Variants in PCDH9 observed in about 807,000 individuals in gnomAD.
PCDH9 encodes protocadherin-9.
PCDH9 carries 24 observed loss-of-function variants against 70.6 expected under a neutral mutation model. That is an observed-to-expected ratio of 0.34 (90% CI 0.25 to 0.48). The LOEUF (loss-of-function observed/expected upper bound fraction) is 0.48, where lower values mean the gene tolerates loss of function less well. PCDH9 is among the 20% of genes least tolerant of loss of function. PCDH9 has a pLI of 0.99. For synonymous variants in PCDH9, 562 were observed against 558.5 expected (o/e 1.01, Z -0.09); for missense variants, 1,281 against 1,503.6 (o/e 0.85, Z 2.45).
At chr13:67,020,936 A>G (rs1410189040) in intron 2 of PCDH9, among the ~76,000 whole-genome samples, 2 of 152,222 alleles carry the variant, frequency 1.3e-5, no homozygotes, top group African/African-American at 4.8e-5. Flanking sequence ...GAAAATTTGT[A>G]TGAGAAAACT....
intron 4 of PCDH9, among the ~76,000 whole-genome samples, chr13:66,562,668 C>T (rs78305973): frequency 0.023 from 3,478 of 152,186 alleles, 153 homozygotes; most frequent in African/African-American, 0.08. Context: ...CCGGGTCCCT[C>T]CCAGGATACA....
chr13:66,925,084 G>A (rs192093656), intron 2 of PCDH9, among the ~76,000 whole-genome samples: 1 of 151,804 alleles, frequency 6.6e-6, no homozygotes, highest in African/African-American at 2.4e-5. Context: ...GGCATAAATG[G>A]CTTAAAAATA....
chr13:66,798,836 GAC>G (rs1555270116), intron 3 of PCDH9, among the ~76,000 whole-genome samples: 6 of 151,158 alleles, frequency 4.0e-5, no homozygotes, highest in Non-Finnish European at 8.8e-5. Flanking sequence ...TTCTTTTTGA[GAC>G]ACAGTCTCAC....
chr13:66,817,208 C>T (rs1198622925), intron 3 of PCDH9, among the ~76,000 whole-genome samples: 2 of 151,964 alleles, frequency 1.3e-5, no homozygotes, highest in Admixed American at 6.6e-5. Flanking sequence ...TTTGGTATTG[C>T]CTGGGGTCCT....
intron 4 of PCDH9, among the ~76,000 whole-genome samples, chr13:66,387,967 C>G (rs983093025): frequency 1.3e-5 from 2 of 152,066 alleles, no homozygotes; most frequent in African/African-American, 2.4e-5. Context: ...CTCTTTCTCC[C>G]AAGCTAATAT....
At chr13:66,695,324 C>G (rs1593907913) in intron 3 of PCDH9, among the ~76,000 whole-genome samples, 1 of 152,184 alleles carries the variant, frequency 6.6e-6, no homozygotes, top group East Asian at 1.9e-4. Flanking sequence ...TATTTTCAAT[C>G]CAGTTTCTTT....
chr13:66,800,120 T>C (rs1473905132), intron 3 of PCDH9, among the ~76,000 whole-genome samples: 2 of 152,122 alleles, frequency 1.3e-5, no homozygotes, highest in Non-Finnish European at 2.9e-5. Context: ...TCCAAACTAT[T>C]TTTCATCGTC....
At chr13:66,968,302 C>T (rs1359201976) in intron 2 of PCDH9, among the ~76,000 whole-genome samples, 2 of 151,962 alleles carry the variant, frequency 1.3e-5, no homozygotes, top group African/African-American at 4.8e-5. Context: ...ACATTATCTT[C>T]AAGCTACTCT....
chr13:66,499,382 A>G (rs1222969639), intron 4 of PCDH9, among the ~76,000 whole-genome samples: 1 of 152,206 alleles, frequency 6.6e-6, no homozygotes, highest in African/African-American at 2.4e-5. Context: ...TACAGTATAC[A>G]TAAATTCATT....
At chr13:67,097,641 T>C (rs1172886544) in intron 2 of PCDH9, among the ~76,000 whole-genome samples, 1 of 152,182 alleles carries the variant, frequency 6.6e-6, no homozygotes, top group Non-Finnish European at 1.5e-5. Flanking sequence ...ATTTGACCTG[T>C]AATTACTGAT....
chr13:67,204,176 A>G (rs2089283912), intron 2 of PCDH9: 1 of 152,138 alleles, frequency 6.6e-6, no homozygotes, highest in South Asian at 2.1e-4. Context: ...TTAAGAGATA[A>G]AAGTGGCCAC....
At chr13:66,456,754 A>G (rs1002995132) in intron 4 of PCDH9, among the ~76,000 whole-genome samples, 12 of 152,070 alleles carry the variant, frequency 7.9e-5, no homozygotes, top group Admixed American at 2.6e-4. Flanking sequence ...TCACAGCCTA[A>G]TTCTTTCTTG....
chr13:66,901,090 A>G (rs146960808), intron 3 of PCDH9, among the ~76,000 whole-genome samples: 1 of 151,808 alleles, frequency 6.6e-6, no homozygotes, highest in African/African-American at 2.4e-5. Context: ...ATTTATACAG[A>G]AACCTTGCAT....
chr13:66,892,232 A>G (rs561565795), intron 3 of PCDH9, among the ~76,000 whole-genome samples: 1 of 147,878 alleles, frequency 6.8e-6, no homozygotes, highest in African/African-American at 2.5e-5. Flanking sequence ...TATATATATA[A>G]TGTGTGTGTG....
intron 4 of PCDH9, among the ~76,000 whole-genome samples, chr13:66,594,285 C>T (rs1369018190): frequency 2.0e-5 from 3 of 151,596 alleles, no homozygotes; most frequent in East Asian, 3.9e-4. Flanking sequence ...GCAAAGAAAA[C>T]CTCCAGCCAT....
At chr13:66,773,235 G>A (rs2079836531) in intron 3 of PCDH9, among the ~76,000 whole-genome samples, 2 of 152,130 alleles carry the variant, frequency 1.3e-5, no homozygotes, top group African/African-American at 2.4e-5. Context: ...GGCTGGAAAT[G>A]TTCTATATAT....
chr13:66,610,020 A>C (rs370834805), intron 4 of PCDH9, among the ~76,000 whole-genome samples: 31 of 139,532 alleles, frequency 2.2e-4, no homozygotes, highest in East Asian at 8.6e-4. Context: ...TGCAGTGGCG[A>C]GATCTCGGCT....
At chr13:66,972,851 C>T (rs892313500) in intron 2 of PCDH9, among the ~76,000 whole-genome samples, 4 of 151,996 alleles carry the variant, frequency 2.6e-5, no homozygotes, top group African/African-American at 9.7e-5. Flanking sequence ...TGTACTTGTC[C>T]TGCCTTTAAA....
chr13:66,574,340 C>T (rs769189038), intron 4 of PCDH9, among the ~76,000 whole-genome samples: 10 of 152,172 alleles, frequency 6.6e-5, no homozygotes, highest in Non-Finnish European at 1.0e-4. Context: ...TTCTCTCTCT[C>T]TATGTCTTTA....
Sources: allele counts gnomAD v4.1 joint callset (sites outside exome capture counted in the v4.1 genomes callset), GRCh38; gene constraint gnomAD v4.1.1; transcripts MANE v1.5; gene names NCBI Gene and HGNC (gene_info 2026-07-23, HGNC 2026-07-21).